The following NBEA variants were observed in gnomAD, a reference collection of about 807,000 sequenced individuals.
The protein encoded by NBEA is lysosomal-trafficking regulator 2.
NBEA carries 44 observed loss-of-function variants against 343.4 expected under a neutral mutation model. The ratio of observed to expected loss-of-function variants is 0.13; its 90% CI spans 0.10 to 0.16. The LOEUF (loss-of-function observed/expected upper bound fraction) is 0.16, where lower values mean the gene tolerates loss of function less well. Among genes scored for constraint, NBEA ranks in the 10% least tolerant of loss-of-function variants. The pLI is 1.00. For synonymous variants in NBEA, 1,175 were observed against 1,238.7 expected, an observed-to-expected ratio of 0.95 and a Z score of 1.08; for missense variants, 2,555 against 3,631.3, an observed-to-expected ratio of 0.70 and a Z score of 7.62.
rs1420203553 is a variant in NBEA, at chr13:35,672,484, T to C, written c.*1493T>C. On this transcript the variant is annotated 3_prime_UTR_variant, in exon 59 of 59. Coordinates refer to ENST00000379939, the MANE Select transcript of NBEA (RefSeq NM_001385012.1). ...TTGTATTTATGAAATTCTGAAATTA[T>C]GGGGAATCAGCGTAATGATTAAGTT... The C allele has an allele frequency of 6.6e-6, 1 of 152,634 alleles. No homozygotes were observed. The highest frequency in any genetic ancestry group is 2.4e-5 in the African/African-American group (1 of 41,462). The allele number at this position is 152,634 out of a possible 1,614,324, so 9.5% of individuals were successfully genotyped here. A position where few individuals can be genotyped will look rare whatever the true frequency, so the allele number is the denominator to read the frequency against.
chr13:35,165,172 A>G, intron 24 of NBEA: 1 of 527,580 alleles, frequency 1.9e-6, no homozygotes, highest in Non-Finnish European at 3.9e-6. Context: ...TCATTTTACT[A>G]AGATGTGCTT....
intron 1 of NBEA, among the ~76,000 whole-genome samples, chr13:34,995,477 G>C (rs2060907857): frequency 6.6e-6 from 1 of 151,764 alleles, no homozygotes; most frequent in East Asian, 1.9e-4. Flanking sequence ...GAGGTTGCCT[G>C]AGCAAAAAAC....
chr13:35,505,944 A>G (rs572440753), intron 41 of NBEA, among the ~76,000 whole-genome samples: 123 of 152,326 alleles, frequency 8.1e-4, no homozygotes, highest in African/African-American at 2.9e-3. Flanking sequence ...TTAATCTTCA[A>G]TTCAAATTTA....
chr13:35,655,553 G>C, intron 54 of NBEA, 26 bp from the exon 55 acceptor site: 1 of 1,595,598 alleles, frequency 6.3e-7, no homozygotes, highest in Admixed American at 1.7e-5. Flanking sequence ...ACTAAATGAA[G>C]CAAACCTGTC....
At chr13:35,441,574 A>G (rs566407917) in intron 39 of NBEA, among the ~76,000 whole-genome samples, 31 of 152,050 alleles carry the variant, frequency 2.0e-4, no homozygotes, top group African/African-American at 7.5e-4. Context: ...TCCTTCCCCT[A>G]CCTTCATGAC....
intron 51 of NBEA, 136 bp from the exon 52 acceptor site, chr13:35,649,519 T>G: frequency 2.8e-6 from 2 of 702,194 alleles, no homozygotes; most frequent in Non-Finnish European, 4.9e-6. Context: ...TTCACCAGTA[T>G]GAAAGTTTAG....
chr13:35,661,898 A>T (rs1385526434), intron 55 of NBEA, among the ~76,000 whole-genome samples: 1 of 152,090 alleles, frequency 6.6e-6, no homozygotes, highest in African/African-American at 2.4e-5. Context: ...TTTTATCAGG[A>T]GGTTCATCCT....
At chr13:35,438,964 G>A (rs936107086) in intron 39 of NBEA, among the ~76,000 whole-genome samples, 2 of 152,200 alleles carry the variant, frequency 1.3e-5, no homozygotes, top group Non-Finnish European at 2.9e-5. Flanking sequence ...CAGACTCAGA[G>A]GACTTGTGTA....
chr13:34,960,137 G>A (rs554894863), intron 1 of NBEA, among the ~76,000 whole-genome samples: 1 of 152,148 alleles, frequency 6.6e-6, no homozygotes, highest in Admixed American at 6.6e-5. Context: ...ATGTGGCGGT[G>A]GAAGACAGTG....
chr13:35,429,744 C>T (rs117694602), intron 38 of NBEA, among the ~76,000 whole-genome samples: 4,573 of 151,302 alleles, frequency 0.03, 96 homozygotes, highest in Non-Finnish European at 0.045. Flanking sequence ...ACCCTATACC[C>T]AATGTGTAGT....
intron 49 of NBEA, among the ~76,000 whole-genome samples, chr13:35,631,418 C>G (rs1593418335): frequency 6.6e-6 from 1 of 151,804 alleles, no homozygotes; most frequent in African/African-American, 2.4e-5. Context: ...GATATTAACC[C>G]TTTTATTGAG....
At chr13:35,178,329 A>T (rs185970478) in intron 28 of NBEA, among the ~76,000 whole-genome samples, 1 of 151,758 alleles carries the variant, frequency 6.6e-6, no homozygotes, top group African/African-American at 2.4e-5. Context: ...TAATGTTTTC[A>T]TCAGAGATAT....
At chr13:35,484,362 C>G (rs2076236038) in intron 41 of NBEA, among the ~76,000 whole-genome samples, 1 of 149,694 alleles carries the variant, frequency 6.7e-6, no homozygotes, top group East Asian at 2.0e-4. Context: ...TTTTTTGCAA[C>G]CTTAACCTGC....
intron 18 of NBEA, among the ~76,000 whole-genome samples, chr13:35,148,553 A>C (rs960546447): frequency 6.6e-6 from 1 of 152,220 alleles, no homozygotes; most frequent in Non-Finnish European, 1.5e-5. Flanking sequence ...TGGAAAATGT[A>C]GAAAAGCACC....
intron 41 of NBEA, among the ~76,000 whole-genome samples, chr13:35,543,205 A>G (rs933019571): frequency 2.0e-5 from 3 of 152,182 alleles, no homozygotes; most frequent in Non-Finnish European, 4.4e-5. Context: ...TCATCTCTTA[A>G]TGGGATGAAT....
intron 21 of NBEA, among the ~76,000 whole-genome samples, chr13:35,158,781 G>A (rs117722098): frequency 0.046 from 6,971 of 152,162 alleles, 242 homozygotes; most frequent in Non-Finnish European, 0.068. Context: ...ATATTGCTGA[G>A]TTATCTGTGT....
intron 41 of NBEA, among the ~76,000 whole-genome samples, chr13:35,541,725 G>T (rs373973700): frequency 2.8e-5 from 4 of 145,144 alleles, no homozygotes; most frequent in Admixed American, 1.4e-4. Context: ...GGTCTGCATG[G>T]GTGTGTGTGT....
chr13:35,014,695 G>A (rs948341168), intron 1 of NBEA, among the ~76,000 whole-genome samples: 2 of 151,728 alleles, frequency 1.3e-5, no homozygotes, highest in African/African-American at 4.8e-5. Flanking sequence ...TCTGCAAGGT[G>A]CCTACTCCCT....
At chr13:34,980,812 A>C (rs2060331575) in intron 1 of NBEA, among the ~76,000 whole-genome samples, 1 of 152,206 alleles carries the variant, frequency 6.6e-6, no homozygotes, top group African/African-American at 2.4e-5. Context: ...CTAAGAGTTT[A>C]TACCATCTGA....
Sources: allele counts gnomAD v4.1 joint callset (sites outside exome capture counted in the v4.1 genomes callset), GRCh38; gene constraint gnomAD v4.1.1; transcripts MANE v1.5; gene names NCBI Gene and HGNC (gene_info 2026-07-23, HGNC 2026-07-21).